The following ARHGAP1 variants were observed in gnomAD, a reference collection of about 807,000 sequenced individuals.
ARHGAP1 encodes Rho GTPase activating protein 1.
In ARHGAP1, 23 loss-of-function variants were observed where a neutral mutation model predicts 52.2. The observed-to-expected ratio is 0.44, with a 90% CI of 0.32 to 0.62. The LOEUF (loss-of-function observed/expected upper bound fraction) is 0.62, where lower values mean the gene tolerates loss of function less well. Ranked by LOEUF, ARHGAP1 falls within the 20% of genes least tolerant of loss-of-function variation. ARHGAP1 has a pLI of 0.05. For synonymous variants in ARHGAP1, 210 were observed against 228.4 expected (o/e 0.92, Z 0.73); for missense variants, 480 against 560.9 (o/e 0.86, Z 1.46).
Position 46,678,997 on chromosome 11 carries a change from C to G in ARHGAP1, c.*40G>C, listed in dbSNP as rs201102767. The G allele has an allele frequency of 6.2e-7, 1 of 1,606,216 alleles. No homozygotes were observed. Among genetic ancestry groups the G allele is most frequent in the African/African-American group, 1.3e-5 (1 of 74,794 alleles). ...GATGCCAGGAGGAAGAGTCCAAACC[C>G]GGGCTACCAGAGAAGGGGCTGGTGG... On this transcript the variant is annotated 3_prime_UTR_variant, in exon 13 of 13. Transcript: ENST00000311956.
At chr11:46,688,638 T>C (rs762384075) in intron 3 of ARHGAP1, among the ~76,000 whole-genome samples, 38 of 151,884 alleles carry the variant, frequency 2.5e-4, no homozygotes, top group Non-Finnish European at 4.6e-4. Flanking sequence ...AGCACCACCA[T>C]ACCTGGTGAA....
At chr11:46,685,913 A>T (rs1201638931) in intron 4 of ARHGAP1, among the ~76,000 whole-genome samples, 1 of 150,502 alleles carries the variant, frequency 6.6e-6, no homozygotes, top group Non-Finnish European at 1.5e-5. Flanking sequence ...TGACCTCATG[A>T]TCCACCTGCC....
chr11:46,679,721 G>A lies in ARHGAP1; in HGVS notation c.954C>T (p.Leu318=), dbSNP rs199616017. The part of the protein sequence containing the change: ...YNELHLPAVI[L]KTFLRELPEP... The stretch of plus-strand genomic sequence containing the variant: ...CAGGAAGCTCCCGGAGGAAGGTCTT[G>A]AGGATGACTGCTGGCAGGTGCAGCT... Residue 318 remains leucine, a synonymous_variant, in exon 11 of 13, where the codon CTC becomes CTT. Coordinates refer to ENST00000311956, the MANE Select transcript of ARHGAP1 (RefSeq NM_004308.5). This position sits in a 1 kb window ranked among gnomAD's most constrained non-coding sequence, Gnocchi z 4.4. 1.9e-6 allele frequency: 3 copies of A among 1,614,102 alleles called. No individual in the cohort carries two copies. The Admixed American group carries it at 5.0e-5, about 27-fold the overall frequency.
At chr11:46,689,769 G>A (rs919544143) in intron 3 of ARHGAP1, among the ~76,000 whole-genome samples, 30 of 152,100 alleles carry the variant, frequency 2.0e-4, no homozygotes, top group African/African-American at 6.5e-4. Context: ...TCGAACTCCT[G>A]ACGTCACGAT....
intron 1 of ARHGAP1, chr11:46,697,718 CCT>C (rs755373599): frequency 3.9e-5 from 6 of 152,488 alleles, no homozygotes; most frequent in South Asian, 2.1e-4. Context: ...CTCCCTGTCC[CCT>C]GTCCTCATCC....
chr11:46,696,227 CCCT>C lies in ARHGAP1; in HGVS notation c.-49-74_-49-72del. 1 of 1,040,596 alleles carries C rather than the reference CCCT, an allele frequency of 9.6e-7. No homozygotes were observed. Among genetic ancestry groups the C allele is most frequent in the Non-Finnish European group, 1.4e-6 (1 of 729,744 alleles). 64.5% of individuals were successfully genotyped at this position (1,040,596 alleles called of 1,614,324 possible). ...CACCTTCTGCGACCTCCACCGCGTG[CCCT>C]CCTGCCCCCACCATTCCCTCTCCCA... On this transcript the variant is annotated intron_variant, in intron 1 of 12. Transcript: ENST00000311956. This position sits in a 1 kb window ranked among gnomAD's most constrained non-coding sequence, Gnocchi z 4.8.
Position 46,681,083 on chromosome 11 carries a change from T to A in ARHGAP1, c.563A>T (p.Tyr188Phe). Reference protein sequence around the residue: ...ISFKFGQKIFYVNYLSELSEH... With the variant: ...ISFKFGQKIFFVNYLSELSEH... ...GCTCAGCTCGCTCAGGTAATTCACA[T>A]AGAAGATCTTCTGCCCGAACTTGAA... Residue 188 changes from tyrosine (Y) to phenylalanine (F), a missense_variant, in exon 7 of 13, where the codon TAT (tyrosine) becomes TTT (phenylalanine). Tyr to Phe is a conservative substitution (Grantham distance 22, BLOSUM62 3). Transcript: ENST00000311956. The surrounding 1 kb of genome is among the most constrained non-coding windows in gnomAD (Gnocchi z 5.7). 1 of 1,614,142 alleles carries A rather than the reference T, an allele frequency of 6.2e-7. No individual in the cohort carries two copies. The highest frequency in any genetic ancestry group is 8.5e-7 in the Non-Finnish European group (1 of 1,180,020).
chr11:46,695,713 TTCAGGTG>T lies in ARHGAP1; in HGVS notation c.169_175del (p.His57SerfsTer50), dbSNP rs1295270314. The T allele has an allele frequency of 6.4e-7, 1 of 1,552,116 alleles. No individual in the cohort carries two copies. Among genetic ancestry groups the T allele is most frequent in the Non-Finnish European group, 8.7e-7 (1 of 1,147,126 alleles). On this transcript the variant is annotated frameshift_variant, in exon 3 of 13. Transcript: ENST00000311956. LOFTEE classifies it high-confidence loss of function. ...GATGTCATAGTATGGGTCATCCCAC[TTCAGGTG>T]TGTGACAAGTTCCGGGGAGCTGCTT...
In ARHGAP1 at chr11:46,680,814, A is replaced by G; in HGVS notation, c.636-67T>C. 1 of 1,259,616 alleles carries G rather than the reference A, an allele frequency of 7.9e-7. No individual in the cohort carries two copies. The highest frequency in any genetic ancestry group is 1.4e-5 in the South Asian group (1 of 70,756). 78.0% of individuals were successfully genotyped at this position (1,259,616 alleles called of 1,614,324 possible). ...TGGAGTCACTCTGCCAATTCAATCA[A>G]GCATTGACCACGCGGGGTCAGGAGG... On this transcript the variant is annotated intron_variant, in intron 7 of 12. Coordinates refer to ENST00000311956, the MANE Select transcript of ARHGAP1 (RefSeq NM_004308.5). This position sits in a 1 kb window ranked among gnomAD's most constrained non-coding sequence, Gnocchi z 5.9.
In ARHGAP1 at chr11:46,679,210, C is replaced by A; in HGVS notation, c.1147G>T (p.Asp383Tyr). Residue 383 changes from aspartate (D) to tyrosine (Y), a missense_variant, in exon 13 of 13, where the codon GAC becomes TAC. Physicochemically the swap from Asp to Tyr is radical, Grantham distance 160. Coordinates refer to ENST00000311956, the MANE Select transcript of ARHGAP1 (RefSeq NM_004308.5). The surrounding 1 kb of genome is among the most constrained non-coding windows in gnomAD (Gnocchi z 4.4). ...AFLVQISAHS[D>Y]QNKMTNTNLA... is the part of the protein sequence containing the mutation. Reference sequence around the variant, plus strand: ...TTAGTGTTGGTCATCTTGTTCTGGTCACTGTGTGCAGAAATCTGTGGAGGG... The same window carrying A: ...TTAGTGTTGGTCATCTTGTTCTGGTAACTGTGTGCAGAAATCTGTGGAGGG... 1.9e-6 allele frequency: 3 copies of A among 1,604,628 alleles called. No individual in the cohort carries two copies. The South Asian group carries it at 3.3e-5, about 18-fold the overall frequency.
rs1430953928 is a variant in ARHGAP1 at position 46,695,642 on chromosome 11, A to G, written c.229+18T>C. The G allele has an allele frequency of 1.3e-6, 2 of 1,550,422 alleles. No individual in the cohort carries two copies. The highest frequency in any genetic ancestry group is 1.4e-5 in the African/African-American group (1 of 73,130). Reference sequence around the variant, plus strand: ...CAGGAGCTCTGAGGGTTAGGAAAATAGTGTTGGGTGTGCTTACCTGCCACC... The same window carrying G: ...CAGGAGCTCTGAGGGTTAGGAAAATGGTGTTGGGTGTGCTTACCTGCCACC... On this transcript the variant is annotated intron_variant, in intron 3 of 12. Transcript: ENST00000311956.
At position 46,680,196 on chromosome 11, in the gene ARHGAP1, G is replaced by A; in HGVS notation, c.898+9C>T. 3 of 1,613,944 alleles carry A rather than the reference G, an allele frequency of 1.9e-6. No homozygotes were observed. The highest frequency in any genetic ancestry group is 2.2e-5 in the South Asian group (2 of 91,072). On this transcript the variant is annotated intron_variant, in intron 10 of 12. Coordinates refer to ENST00000311956, the MANE Select transcript of ARHGAP1 (RefSeq NM_004308.5). This position sits in a 1 kb window ranked among gnomAD's most constrained non-coding sequence, Gnocchi z 5.9. ...ACATATGGCCCTGCAACAGCCCAGGGCTGCTCACCCATGTTGTACTTCTGC... is the reference window on the plus strand; with the variant it reads ...ACATATGGCCCTGCAACAGCCCAGGACTGCTCACCCATGTTGTACTTCTGC...
At position 46,680,575 on chromosome 11, in the gene ARHGAP1, A is replaced by G; in HGVS notation, c.744-12T>C. 6.2e-7 allele frequency: 1 copy of G among 1,613,814 alleles called. No individual in the cohort carries two copies. Among genetic ancestry groups the G allele is most frequent in the Non-Finnish European group, 8.5e-7 (1 of 1,179,838 alleles). On this transcript the variant is annotated splice_polypyrimidine_tract_variant and intron_variant, in intron 8 of 12. Transcript: ENST00000311956. This position sits in a 1 kb window ranked among gnomAD's most constrained non-coding sequence, Gnocchi z 5.9. ...TCTTCTCCTGGAGGCTGCGGGAAAA[A>G]GGCTGGTGAGCCGGGCCTGCAGCCC... is the stretch of plus-strand genomic sequence containing the variant.
At position 46,696,076 on chromosome 11, in the gene ARHGAP1, A is replaced by C. The variant is rs2064651597; in HGVS notation, c.32T>G (p.Leu11Arg). 1 of 1,610,980 alleles carries C rather than the reference A, an allele frequency of 6.2e-7. No homozygotes were observed. The highest frequency in any genetic ancestry group is 8.5e-7 in the Non-Finnish European group (1 of 1,178,656). MDPLSELQDD[L>R]TLDDTSEALN... ...AGCCTCGCTGGTGTCATCCAAGGTCAGATCATCCTGCAGCTCTGAGAGCGG... is the reference window on the plus strand; with the variant it reads ...AGCCTCGCTGGTGTCATCCAAGGTCCGATCATCCTGCAGCTCTGAGAGCGG... The change falls in exon 2 of 13, where the codon CTG becomes CGG. Residue 11 changes from leucine to arginine, a missense_variant. By Grantham distance (102) the Leu-to-Arg change is moderately radical (BLOSUM62 -2). Transcript: ENST00000311956. This position sits in a 1 kb window ranked among gnomAD's most constrained non-coding sequence, Gnocchi z 4.8.
chr11:46,679,557 A>G lies in ARHGAP1; in HGVS notation c.1028-89T>C. On this transcript the variant is annotated intron_variant, in intron 11 of 12. Transcript: ENST00000311956. The surrounding 1 kb of genome is among the most constrained non-coding windows in gnomAD (Gnocchi z 4.4). ...GCAGGCTAGAGGGGAGACCCCCAGCAGTCTTCCCTGGGAGGCGCCTAGGCC... is the reference window on the plus strand; with the variant it reads ...GCAGGCTAGAGGGGAGACCCCCAGCGGTCTTCCCTGGGAGGCGCCTAGGCC... The G allele has an allele frequency of 7.5e-6, 12 of 1,605,184 alleles. No individual in the cohort carries two copies. The highest frequency in any genetic ancestry group is 1.0e-5 in the Non-Finnish European group (12 of 1,173,604).
At position 46,682,073 on chromosome 11, in the gene ARHGAP1, C is replaced by A; in HGVS notation, c.427G>T (p.Ala143Ser). 1 of 1,614,132 alleles carries A rather than the reference C, an allele frequency of 6.2e-7. No individual in the cohort carries two copies. Among genetic ancestry groups the A allele is most frequent in the Non-Finnish European group, 8.5e-7 (1 of 1,179,986 alleles). ...NKPSLSWLRD[A>S]YREFDRKYKK... is the part of the protein sequence containing the mutation. ...CACTTGCGGTCAAACTCCCGGTAGG[C>A]ATCACGGAGCCAGCTGAGGGAGGGC... Residue 143 changes from alanine to serine, a missense_variant, in exon 5 of 13, where the codon GCC (alanine) becomes TCC (serine). Transcript: ENST00000311956.
chr11:46,688,397 G>A (rs1045765820), intron 3 of ARHGAP1, 137 bp from the exon 4 acceptor site: 29 of 827,242 alleles, frequency 3.5e-5, no homozygotes, highest in Admixed American at 9.1e-5. Flanking sequence ...ACAGACCTCC[G>A]GGCAGCCTCC....
chr11:46,696,152 G>A lies in ARHGAP1; in HGVS notation c.-45C>T, dbSNP rs888798447. ...AGCCTTGCCCTGCAGAACCTTAAGA[G>A]AAACCTGGGAGAGAGGAAGACAGGT... On this transcript the variant is annotated 5_prime_UTR_variant, in exon 2 of 13. Transcript: ENST00000311956. This position sits in a 1 kb window ranked among gnomAD's most constrained non-coding sequence, Gnocchi z 4.8. 2.6e-6 allele frequency: 4 copies of A among 1,549,332 alleles called. No homozygotes were observed. In the African/African-American group the frequency reaches 5.4e-5, roughly 21 times the overall value.
At position 46,679,141 on chromosome 11, in the gene ARHGAP1, C is replaced by A; in HGVS notation, c.1216G>T (p.Ala406Ser). Residue 406 changes from alanine (A) to serine (S), a missense_variant, in exon 13 of 13, where the codon GCG becomes TCG. Transcript: ENST00000311956. The surrounding 1 kb of genome is among the most constrained non-coding windows in gnomAD (Gnocchi z 4.4). ...FGPNLLWAKD[A>S]AITLKAINPI... The stretch of plus-strand genomic sequence containing the variant: ...TTAATGGCCTTGAGGGTGATGGCCG[C>A]ATCCTTGGCCCACAGCAGGTTAGGG... The A allele has an allele frequency of 6.2e-7, 1 of 1,614,046 alleles. No individual in the cohort carries two copies. The highest frequency in any genetic ancestry group is 1.1e-5 in the South Asian group (1 of 91,072).
Sources: gnomAD v4.1 joint callset for allele counts (sites outside exome capture counted in the v4.1 genomes callset) on GRCh38, gnomAD v4.1.1 for gene constraint, Gnocchi (gnomAD v3.1) non-coding constraint, MANE v1.5 for transcripts, NCBI Gene and HGNC (gene_info 2026-07-23, HGNC 2026-07-21) for gene names.